Variants in PPARD observed in about 807,000 individuals in gnomAD.
PPARD encodes the protein peroxisome proliferator-activated receptor delta.
In PPARD, 6 loss-of-function variants were observed where a neutral mutation model predicts 39.5. That is an observed-to-expected ratio of 0.15 (90% confidence interval 0.08 to 0.30). The LOEUF (loss-of-function observed/expected upper bound fraction) is 0.30, where lower values mean the gene tolerates loss of function less well. PPARD is among the 10% of genes least tolerant of loss of function. The pLI is 1.00. For missense variants in PPARD, 397 were observed against 596.8 expected, an observed-to-expected ratio of 0.67 and a Z score of 3.49; for synonymous variants, 210 against 231.3, an observed-to-expected ratio of 0.91 and a Z score of 0.83.
chr6:35,376,162 CAG>C (rs1230389817), intron 2 of PPARD, among the ~76,000 whole-genome samples: 1 of 152,326 alleles, frequency 6.6e-6, no homozygotes, highest in East Asian at 1.9e-4. Context: ...TAGCTTTACA[CAG>C]AGTTTCTGTA....
intron 2 of PPARD, among the ~76,000 whole-genome samples, chr6:35,384,787 G>T (rs1763483234): frequency 9.6e-5 from 1 of 10,400 alleles, no homozygotes; most frequent in Non-Finnish European, 3.8e-4. Flanking sequence ...GGAGGGAGGT[G>T]GGGGGGTCAG....
chr6:35,360,201 T>G (rs1761854432), intron 2 of PPARD, among the ~76,000 whole-genome samples: 1 of 151,964 alleles, frequency 6.6e-6, no homozygotes, highest in South Asian at 2.1e-4. Flanking sequence ...CACAAGAGAC[T>G]GGCCAGCCAA....
intron 2 of PPARD, among the ~76,000 whole-genome samples, chr6:35,387,307 C>T (rs1041633364): frequency 6.6e-6 from 1 of 152,212 alleles, no homozygotes; most frequent in African/African-American, 2.4e-5. Context: ...GCCCAGGTTT[C>T]AGCAAGCTGC....
At chr6:35,364,222 ATAG>A (rs1358141197) in intron 2 of PPARD, among the ~76,000 whole-genome samples, 1 of 152,096 alleles carries the variant, frequency 6.6e-6, no homozygotes, top group African/African-American at 2.4e-5. Flanking sequence ...GTAGCATATA[ATAG>A]TACTGTATTC....
rs35852986 is a variant in PPARD at position 35,420,819 on chromosome 6, C to CTTTTTTT, written c.285+557_285+563dup. Among the ~76,000 whole-genome samples, 291 of 85,716 alleles carry CTTTTTTT rather than the reference C, an allele frequency of 3.4e-3. 11 individuals are homozygous for CTTTTTTT. The highest frequency in any genetic ancestry group is 0.025 in the Middle Eastern group (2 of 80). The allele number at this position is 85,716 out of a possible 152,430, so 56.2% of individuals were successfully genotyped here. A position where few individuals can be genotyped will look rare whatever the true frequency, so the allele number is the denominator to read the frequency against. On this transcript the variant is annotated intron_variant, in intron 4 of 7. Transcript: ENST00000360694. ...TTATGTTACCAAACTAACAAAGAAG[C>CTTTTTTT]TTTTTTTTTTTTTTTTTTTTTTTTT...
At chr6:35,406,963 C>G (rs1765093579) in intron 2 of PPARD, among the ~76,000 whole-genome samples, 2 of 152,150 alleles carry the variant, frequency 1.3e-5, no homozygotes, top group African/African-American at 4.8e-5. Context: ...GATCCTCAGG[C>G]CTGTCACTTT....
chr6:35,425,482 C>A lies in PPARD; in HGVS notation c.1079-350C>A. 9.5e-7 allele frequency: 1 copy of A among 1,052,546 alleles called. No homozygotes were observed. Among genetic ancestry groups the A allele is most frequent in the Non-Finnish European group, 1.2e-6 (1 of 828,156 alleles). The allele number at this position is 1,052,546 out of a possible 1,614,324, so 65.2% of individuals were successfully genotyped here. ...ACTTGATCCTCACAACAACCCTGTG[C>A]AGGAAGAATGTTTTGTGTCTCCATT... On this transcript the variant is annotated intron_variant, in intron 7 of 7. Transcript: ENST00000360694. The surrounding 1 kb of genome is among the most constrained non-coding windows in gnomAD (Gnocchi z 4.5).
At chr6:35,346,309 A>G (rs1445250497) in intron 1 of PPARD, among the ~76,000 whole-genome samples, 2 of 152,116 alleles carry the variant, frequency 1.3e-5, no homozygotes, top group South Asian at 2.1e-4. Context: ...TGGAAATTGC[A>G]GGACACAGCT....
chr6:35,399,305 C>T (rs9462080), intron 2 of PPARD, among the ~76,000 whole-genome samples: 4,782 of 141,100 alleles, frequency 0.034, 168 homozygotes, highest in African/African-American at 0.086. Context: ...GAGGCTGAGA[C>T]AGGAGAATCA....
At chr6:35,398,680 G>A (rs1764496479) in intron 2 of PPARD, among the ~76,000 whole-genome samples, 2 of 152,234 alleles carry the variant, frequency 1.3e-5, no homozygotes, top group South Asian at 4.1e-4. Context: ...GGAGCAGCCA[G>A]TGATATCAGA....
At chr6:35,398,292 G>A (rs926067676) in intron 2 of PPARD, among the ~76,000 whole-genome samples, 1 of 152,182 alleles carries the variant, frequency 6.6e-6, no homozygotes, top group African/African-American at 2.4e-5. Flanking sequence ...GGTGTTGGCT[G>A]GGACCAGGGT....
intron 5 of PPARD, among the ~76,000 whole-genome samples, chr6:35,423,350 G>A (rs1766322200): frequency 6.6e-6 from 1 of 151,886 alleles, no homozygotes; most frequent in Non-Finnish European, 1.5e-5. Context: ...CCAAGATGGT[G>A]AAACTCTGTC....
At chr6:35,360,342 G>T (rs1157902234) in intron 2 of PPARD, among the ~76,000 whole-genome samples, 1 of 152,198 alleles carries the variant, frequency 6.6e-6, no homozygotes, top group East Asian at 1.9e-4. Flanking sequence ...CATAGGGAGA[G>T]AAATAAGGGA....
At chr6:35,407,596 C>T (rs773832780) in intron 2 of PPARD, among the ~76,000 whole-genome samples, 17 of 151,636 alleles carry the variant, frequency 1.1e-4, no homozygotes, top group Non-Finnish European at 2.1e-4. Context: ...ACACCAGCAT[C>T]GCACATGTAT....
chr6:35,384,967 G>C lies in PPARD; in HGVS notation c.-101-26020G>C, dbSNP rs1215877068. On this transcript the variant is annotated intron_variant, in intron 2 of 7. Coordinates refer to ENST00000360694, the MANE Select transcript of PPARD (RefSeq NM_006238.5). Reference sequence around the variant, plus strand: ...GCCCCATCCGGGAGGGAGGTGGGGGGGTCAGCCCCCCGCCGGGCCAGCCGC... The same window carrying C: ...GCCCCATCCGGGAGGGAGGTGGGGGCGTCAGCCCCCCGCCGGGCCAGCCGC... 2.9e-5 allele frequency among the ~76,000 whole-genome samples: 4 copies of C among 137,846 alleles called. 1 individual carries two copies. Among genetic ancestry groups the C allele is most frequent in the Non-Finnish European group, 6.2e-5 (4 of 64,794 alleles). The allele number at this position is 137,846 out of a possible 152,430, so 90.4% of individuals were successfully genotyped here.
At chr6:35,369,123 TG>T (rs1762351900) in intron 2 of PPARD, among the ~76,000 whole-genome samples, 1 of 152,200 alleles carries the variant, frequency 6.6e-6, no homozygotes, top group Non-Finnish European at 1.5e-5. Flanking sequence ...TTAGAATATT[TG>T]GAAAATAAAG....
intron 2 of PPARD, among the ~76,000 whole-genome samples, chr6:35,356,339 C>G (rs941747122): frequency 4.1e-5 from 6 of 145,936 alleles, no homozygotes; most frequent in African/African-American, 1.6e-4. Flanking sequence ...ACTTTGCTCT[C>G]CAAATGGCAG....
chr6:35,360,884 G>T (rs1343194394), intron 2 of PPARD, among the ~76,000 whole-genome samples: 1 of 152,192 alleles, frequency 6.6e-6, no homozygotes, highest in Non-Finnish European at 1.5e-5. Flanking sequence ...GAAGAGGCAG[G>T]CATAGATGGC....
chr6:35,384,339 C>A (rs1459583872), intron 2 of PPARD, among the ~76,000 whole-genome samples: 1 of 140,120 alleles, frequency 7.1e-6, no homozygotes, highest in Non-Finnish European at 1.6e-5. Context: ...CGGCCAGCCG[C>A]CCCGTCTGGG....
Sources: gnomAD v4.1 joint callset for allele counts (sites outside exome capture counted in the v4.1 genomes callset) on GRCh38, gnomAD v4.1.1 for gene constraint, Gnocchi (gnomAD v3.1) non-coding constraint, MANE v1.5 for transcripts, NCBI Gene and HGNC (gene_info 2026-07-23, HGNC 2026-07-21) for gene names.